RARB: variants seen among roughly 807,000 people sequenced by gnomAD.
RARB encodes the protein retinoic acid receptor beta.
RARB carries 17 observed loss-of-function variants against 51.9 expected under a neutral mutation model. The observed-to-expected ratio is 0.33, with a 90% CI of 0.22 to 0.49. The LOEUF is 0.49. Ranked by LOEUF, RARB falls within the 20% of genes least tolerant of loss-of-function variation. The pLI is 0.99. For synonymous variants in RARB, 215 were observed against 195.4 expected (o/e 1.10, Z -0.84); for missense variants, 369 against 550.8 (o/e 0.67, Z 3.30).
intron 2 of RARB, among the ~76,000 whole-genome samples, chr3:24,945,813 A>T (rs924379379): frequency 2.6e-5 from 4 of 152,196 alleles, no homozygotes; most frequent in Non-Finnish European, 4.4e-5. Flanking sequence ...AAAGTCAGTG[A>T]GGCATCCACA....
chr3:25,111,789 G>C (rs1699607095), intron 3 of RARB, among the ~76,000 whole-genome samples: 1 of 151,996 alleles, frequency 6.6e-6, no homozygotes, highest in Admixed American at 6.6e-5. Flanking sequence ...ATGTTGGCCA[G>C]GCTGGTCTCG....
At chr3:25,237,509 TTA>T (rs1435058835) in intron 5 of RARB, among the ~76,000 whole-genome samples, 2 of 152,146 alleles carry the variant, frequency 1.3e-5, no homozygotes, top group Non-Finnish European at 2.9e-5. Flanking sequence ...TATTTGTTTT[TTA>T]AAAAAGCCAC....
At chr3:24,926,871 C>G (rs1482069435) in intron 2 of RARB, among the ~76,000 whole-genome samples, 1 of 152,048 alleles carries the variant, frequency 6.6e-6, no homozygotes, top group Non-Finnish European at 1.5e-5. Context: ...CATTAAGTTA[C>G]TCACAAACCA....
intron 2 of RARB, among the ~76,000 whole-genome samples, chr3:24,938,176 G>A (rs968916404): frequency 3.3e-5 from 5 of 152,158 alleles, no homozygotes; most frequent in Admixed American, 1.3e-4. Flanking sequence ...GTAAGGTAAG[G>A]TAGCCTTTCA....
chr3:25,147,412 T>C (rs1481924290), intron 4 of RARB, among the ~76,000 whole-genome samples: 2 of 152,176 alleles, frequency 1.3e-5, no homozygotes, highest in African/African-American at 4.8e-5. Context: ...CTATACTGCT[T>C]AACAAGGTTA....
chr3:25,233,853 C>T (rs1194117481), intron 5 of RARB, among the ~76,000 whole-genome samples: 3 of 151,278 alleles, frequency 2.0e-5, no homozygotes, highest in Admixed American at 2.0e-4. Flanking sequence ...GTTCATCTTC[C>T]TTAATCTGTT....
At chr3:24,836,940 C>T (rs1247726243) in intron 1 of RARB, among the ~76,000 whole-genome samples, 1 of 152,150 alleles carries the variant, frequency 6.6e-6, no homozygotes, top group African/African-American at 2.4e-5. Flanking sequence ...ATCTACCAGT[C>T]TAAAGGTTGG....
intron 4 of RARB, among the ~76,000 whole-genome samples, chr3:25,579,971 C>T (rs1701100629): frequency 1.3e-5 from 2 of 152,208 alleles, no homozygotes; most frequent in Admixed American, 6.5e-5. Flanking sequence ...AAAATGGTGA[C>T]TCCTCATTCC....
chr3:25,085,697 C>G (rs942930013), intron 3 of RARB, among the ~76,000 whole-genome samples: 25 of 152,240 alleles, frequency 1.6e-4, no homozygotes, highest in Non-Finnish European at 1.8e-4. Context: ...GAAATAAACA[C>G]TTGGCTTCAT....
intron 2 of RARB, among the ~76,000 whole-genome samples, chr3:25,021,316 A>G (rs1697631412): frequency 6.6e-6 from 1 of 152,210 alleles, no homozygotes; most frequent in Non-Finnish European, 1.5e-5. Flanking sequence ...TTTTTCTGGT[A>G]TTACCTGAGA....
chr3:24,931,293 A>G (rs1695434739), intron 2 of RARB, among the ~76,000 whole-genome samples: 1 of 151,908 alleles, frequency 6.6e-6, no homozygotes, highest in Admixed American at 6.6e-5. Flanking sequence ...CTGCCTGAAA[A>G]TCTCCTATTC....
At chr3:25,225,112 C>G (rs1037556561) in intron 5 of RARB, among the ~76,000 whole-genome samples, 19 of 152,200 alleles carry the variant, frequency 1.2e-4, no homozygotes, top group African/African-American at 4.3e-4. Flanking sequence ...GCCCTTACCA[C>G]TAGATTAAAC....
At chr3:25,413,864 T>G (rs1707632271) in intron 5 of RARB, among the ~76,000 whole-genome samples, 1 of 152,216 alleles carries the variant, frequency 6.6e-6, no homozygotes, top group Non-Finnish European at 1.5e-5. Context: ...GTTAAATATT[T>G]TGCTCAATAC....
chr3:25,549,271 A>G (rs1364815579), intron 3 of RARB, among the ~76,000 whole-genome samples: 1 of 152,156 alleles, frequency 6.6e-6, no homozygotes, highest in Non-Finnish European at 1.5e-5. Context: ...AAGGGGGCCA[A>G]AGCAGAAGGC....
At chr3:25,533,571 A>C (rs1699013812) in intron 3 of RARB, among the ~76,000 whole-genome samples, 1 of 152,232 alleles carries the variant, frequency 6.6e-6, no homozygotes, top group Non-Finnish European at 1.5e-5. Flanking sequence ...AGGAGATTGT[A>C]TCTTATGTGC....
chr3:25,280,157 T>A (rs1409349820), intron 5 of RARB, among the ~76,000 whole-genome samples: 1 of 151,848 alleles, frequency 6.6e-6, no homozygotes, highest in African/African-American at 2.4e-5. Context: ...TGACAAAGAG[T>A]AGGCAGTCAT....
intron 5 of RARB, among the ~76,000 whole-genome samples, chr3:25,342,708 C>T (rs768073229): frequency 1.3e-5 from 2 of 152,316 alleles, no homozygotes; most frequent in South Asian, 2.1e-4. Flanking sequence ...CAGCTGAACG[C>T]AGCCCTACCT....
chr3:25,075,036 C>T (rs1282086344), intron 3 of RARB, among the ~76,000 whole-genome samples: 1 of 152,166 alleles, frequency 6.6e-6, no homozygotes, highest in East Asian at 1.9e-4. Flanking sequence ...AAACTGTTGA[C>T]TCCCTCTCTT....
chr3:25,492,499 CTGAGT>C (rs1282896112), intron 2 of RARB, among the ~76,000 whole-genome samples: 1 of 152,172 alleles, frequency 6.6e-6, no homozygotes, highest in Non-Finnish European at 1.5e-5. Flanking sequence ...AGTTCAGGTT[CTGAGT>C]TAAGAACATG....
Sources: gnomAD v4.1 joint callset for allele counts (sites outside exome capture counted in the v4.1 genomes callset) on GRCh38, gnomAD v4.1.1 for gene constraint, MANE v1.5 for transcripts, NCBI Gene and HGNC (gene_info 2026-07-23, HGNC 2026-07-21) for gene names.